THOC5: variants seen among roughly 807,000 people sequenced by gnomAD.
THOC5 encodes the protein THO complex subunit 5, also known as Fms-interacting protein.
Under a neutral mutation model 92.9 loss-of-function variants are expected in THOC5, and 43 were observed. The observed-to-expected ratio is 0.46, with a 90% CI of 0.36 to 0.60. The LOEUF (loss-of-function observed/expected upper bound fraction) is 0.60, where lower values mean the gene tolerates loss of function less well. THOC5 is among the 20% of genes least tolerant of loss of function. The pLI, the probability that THOC5 is intolerant of heterozygous loss-of-function variation, is 0.00. For synonymous variants in THOC5, 296 were observed against 320.1 expected (o/e 0.92, Z 0.80); for missense variants, 659 against 849.4 (o/e 0.78, Z 2.79).
chr22:29,531,222 C>A (rs1365599910), intron 8 of THOC5: 3 of 1,053,350 alleles, frequency 2.8e-6, no homozygotes, highest in African/African-American at 3.5e-5. Context: ...GAGAAGCAAG[C>A]ACTGGTGCGG....
At chr22:29,529,487 G>A (rs117862384) in intron 8 of THOC5, among the ~76,000 whole-genome samples, 73 of 152,292 alleles carry the variant, frequency 4.8e-4, no homozygotes, top group Non-Finnish European at 9.8e-4. Context: ...CCTGAAACTA[G>A]CAGTGAATGC....
At chr22:29,514,790 G>T (rs1054574767) in intron 17 of THOC5, among the ~76,000 whole-genome samples, 1 of 144,170 alleles carries the variant, frequency 6.9e-6, no homozygotes, top group Non-Finnish European at 1.5e-5. Flanking sequence ...CTGCAAGCTC[G>T]AACCTTCCGG....
chr22:29,516,969 A>G (rs2063344450), intron 17 of THOC5, 60 bp downstream of exon 17: 2 of 1,541,004 alleles, frequency 1.3e-6, no homozygotes, highest in Admixed American at 1.7e-5. Context: ...AGCCCCGGAG[A>G]GTGTTTGATT....
chr22:29,532,270 G>C (rs1348068782), intron 7 of THOC5, among the ~76,000 whole-genome samples: 1 of 148,918 alleles, frequency 6.7e-6, no homozygotes, highest in Non-Finnish European at 1.5e-5. Flanking sequence ...GAGCAGCCTG[G>C]GTAACTTAGC....
At chr22:29,541,539 ACAAT>A (rs1251742630) in intron 5 of THOC5, among the ~76,000 whole-genome samples, 1 of 150,798 alleles carries the variant, frequency 6.6e-6, no homozygotes, top group African/African-American at 2.4e-5. Flanking sequence ...AAAAAACAAA[ACAAT>A]CAATCAGTAT....
intron 17 of THOC5, among the ~76,000 whole-genome samples, chr22:29,515,820 G>A (rs1028241178): frequency 3.9e-5 from 6 of 152,042 alleles, no homozygotes; most frequent in South Asian, 2.1e-4. Flanking sequence ...AACAGAGCAA[G>A]ACCCTGTCTC....
chr22:29,544,111 G>C (rs2063962284), intron 3 of THOC5, among the ~76,000 whole-genome samples: 1 of 151,924 alleles, frequency 6.6e-6, no homozygotes, highest in Admixed American at 6.6e-5. Flanking sequence ...TTTCATTTTT[G>C]GTATCTACAA....
At chr22:29,522,181 T>A (rs1474958212) in intron 12 of THOC5, among the ~76,000 whole-genome samples, 2 of 137,796 alleles carry the variant, frequency 1.5e-5, no homozygotes, top group African/African-American at 5.4e-5. Flanking sequence ...AAACCCCGTC[T>A]CTGCTAAAAA....
chr22:29,549,262 T>C (rs5763320), intron 1 of THOC5, 104 bp from the exon 2 acceptor site: 1 of 951,654 alleles, frequency 1.1e-6, no homozygotes, highest in Middle Eastern at 2.1e-4. Context: ...GGAAAGTCAT[T>C]TAACCCCTCA....
At chr22:29,539,300 G>A (rs939728416) in intron 6 of THOC5, 30 bp downstream of exon 6, 2 of 1,607,248 alleles carry the variant, frequency 1.2e-6, no homozygotes, top group Admixed American at 1.7e-5. Context: ...ACACTTTGTG[G>A]TTAAAAGGTC....
chr22:29,535,260 C>CAA (rs2063736847), intron 7 of THOC5: 1 of 74,166 alleles, frequency 1.3e-5, no homozygotes, highest in African/African-American at 5.2e-5. Context: ...AACTCTGTCT[C>CAA]CAAAAAAAAA....
intron 17 of THOC5, 61 bp downstream of exon 17, chr22:29,516,968 G>A (rs2063344388): frequency 6.5e-7 from 1 of 1,538,602 alleles, no homozygotes. Context: ...CAGCCCCGGA[G>A]AGTGTTTGAT....
intron 8 of THOC5, chr22:29,531,442 T>C: frequency 9.9e-7 from 1 of 1,012,622 alleles, no homozygotes; most frequent in Non-Finnish European, 1.2e-6. Flanking sequence ...GGTGAAAGCC[T>C]GGGAGAGCTG....
chr22:29,520,157 C>A, intron 13 of THOC5, 53 bp from the exon 14 acceptor site: 1 of 1,517,772 alleles, frequency 6.6e-7, no homozygotes, highest in South Asian at 1.2e-5. Context: ...CTGCTGTGGT[C>A]CCAGGATACA....
chr22:29,530,787 G>A (rs1230306862), intron 8 of THOC5, among the ~76,000 whole-genome samples: 1 of 152,070 alleles, frequency 6.6e-6, no homozygotes, highest in African/African-American at 2.4e-5. Flanking sequence ...GGTCAGACAG[G>A]CCACCACCGT....
Position 29,508,486 on chromosome 22 carries a change from G to T in THOC5, c.2023C>A (p.His675Asn), listed in dbSNP as rs2063161690. The T allele has an allele frequency of 6.2e-7, 1 of 1,614,068 alleles. No individual in the cohort carries two copies. The highest frequency in any genetic ancestry group is 1.3e-5 in the African/African-American group (1 of 74,912). ...CGATGGCTGAAGAATCCCTGAGGAT[G>T]GTTGTATTTAAATGGCTTCATCCTG... ...PSRMKPFKYN[H>N]PQGFFSHR The change falls in exon 20 of 20, where the codon CAT becomes AAT. Residue 675 changes from histidine (H) to asparagine (N), a missense_variant. Physicochemically the swap from His to Asn is moderately conservative, Grantham distance 68 (BLOSUM62 1). Transcript: ENST00000490103.
chr22:29,523,110 C>T (rs926240046), intron 12 of THOC5, among the ~76,000 whole-genome samples: 20 of 151,798 alleles, frequency 1.3e-4, no homozygotes, highest in Admixed American at 1.2e-3. Context: ...GGCGTGGTGG[C>T]GCATGCCTGT....
At chr22:29,520,938 T>A (rs2063429154) in intron 13 of THOC5, 60 bp downstream of exon 13, 2 of 1,361,576 alleles carry the variant, frequency 1.5e-6, no homozygotes, top group Non-Finnish European at 2.1e-6. Flanking sequence ...AGCATTTAGC[T>A]TGAGCCACCA....
chr22:29,508,596 AAGGG>A (rs1471051726), intron 19 of THOC5, 76 bp from the exon 20 acceptor site: 1 of 1,338,614 alleles, frequency 7.5e-7, no homozygotes, highest in African/African-American at 1.4e-5. Flanking sequence ...TCATTCACAC[AAGGG>A]AAAAAGAAGA....
Sources: allele counts gnomAD v4.1 joint callset (sites outside exome capture counted in the v4.1 genomes callset), GRCh38; gene constraint gnomAD v4.1.1; transcripts MANE v1.5; gene names NCBI Gene and HGNC (gene_info 2026-07-23, HGNC 2026-07-21).